Variants in STXBP2 observed in about 807,000 individuals in gnomAD.
The protein encoded by STXBP2 is syntaxin binding protein 2, also known as syntaxin-binding protein 2.
Under a neutral mutation model 72.2 loss-of-function variants are expected in STXBP2, and 47 were observed. The observed-to-expected ratio is 0.65, with a 90% CI of 0.51 to 0.83. STXBP2 has a LOEUF of 0.83. STXBP2 is among the 40% of genes least tolerant of loss of function. The probability of loss-of-function intolerance (pLI) is 0.00; values close to 1 mark genes in which losing one functional copy is unlikely to be tolerated. For missense variants in STXBP2, 702 were observed against 807.6 expected, an observed-to-expected ratio of 0.87 and a Z score of 1.58; for synonymous variants, 367 against 338.7, an observed-to-expected ratio of 1.08 and a Z score of -0.92.
intron 3 of STXBP2, 64 bp downstream of exon 3, chr19:7,639,164 C>T: frequency 2.6e-6 from 4 of 1,547,058 alleles, no homozygotes; most frequent in South Asian, 1.1e-5. Flanking sequence ...GTGCCCCTCT[C>T]CCAGGGTTCA....
chr19:7,632,183 G>T, upstream of STXBP2: 1 of 767,352 alleles, frequency 1.3e-6, no homozygotes, highest in Non-Finnish European at 2.0e-6. This position sits in a 1 kb window ranked among gnomAD's most constrained non-coding sequence, Gnocchi z 5.2. Flanking sequence ...GGAGCCACAA[G>T]TTCCAGCCAT....
chr19:7,641,087 G>A lies in STXBP2; in HGVS notation c.429+84G>A, dbSNP rs116189238. ...TCCCTCAGAAACAGACACTGAGGCT[G>A]GGCGCAGTGGCTCATACCTGTAATC... On this transcript the variant is annotated intron_variant, in intron 6 of 18. Transcript: ENST00000221283. The A allele has an allele frequency of 2.5e-4, 343 of 1,390,632 alleles. 3 individuals carry two copies. The African/African-American group carries it at 4.3e-3, about 17-fold the overall frequency. The allele number at this position is 1,390,632 out of a possible 1,614,324, so 86.1% of individuals were successfully genotyped here.
Position 7,639,508 on chromosome 19 carries a change from TCA to T in STXBP2, c.170-222_170-221del, listed in dbSNP as rs906715352. 3.3e-5 allele frequency: 20 copies of T among 608,140 alleles called. No homozygotes were observed. In the African/African-American group the frequency reaches 3.3e-4, roughly 10 times the overall value. The allele number at this position is 608,140 out of a possible 1,614,324, so 37.7% of individuals were successfully genotyped here. On this transcript the variant is annotated intron_variant, in intron 3 of 18. Coordinates refer to ENST00000221283, the MANE Select transcript of STXBP2 (RefSeq NM_006949.4). Reference sequence around the variant, plus strand: ...TGAGGGAGCCTGTCCTCTCAGAACCTCAGTCTCCCTGTCTGTAAATTTGGGGA... The same window carrying T: ...TGAGGGAGCCTGTCCTCTCAGAACCTGTCTCCCTGTCTGTAAATTTGGGGA...
At chr19:7,640,092 G>A (rs2146209830) in intron 4 of STXBP2, 1 of 616,072 alleles carries the variant, frequency 1.6e-6, no homozygotes, top group Non-Finnish European at 3.0e-6. Flanking sequence ...GGGTCTGTGT[G>A]TGCATTTGTG....
chr19:7,646,279 A>C lies in STXBP2; in HGVS notation c.1387A>C (p.Arg463=). Residue 463 remains arginine, a synonymous_variant, in exon 16 of 19, where the codon AGA becomes CGA. Coordinates refer to ENST00000221283, the MANE Select transcript of STXBP2 (RefSeq NM_006949.4). ...GSGTSSRLEP[R]ERMEPTYQLS... ...GGGGACCTCCAGCCGGCTGGAGCCG[A>C]GAGAACGCATGGAGCCCACCTATCA... The C allele has an allele frequency of 6.2e-7, 1 of 1,610,684 alleles. No homozygotes were observed.
intron 4 of STXBP2, chr19:7,640,144 A>C (rs1568464759): frequency 6.0e-6 from 3 of 502,982 alleles, no homozygotes; most frequent in South Asian, 1.6e-5. Flanking sequence ...GTGTGTGTGC[A>C]TCTGTGTGCA....
rs374882127 is a variant in STXBP2, at chr19:7,647,216, G to A, written c.1507G>A (p.Ala503Thr). 7 of 1,611,626 alleles carry A rather than the reference G, an allele frequency of 4.3e-6. No individual in the cohort carries two copies. Among genetic ancestry groups the A allele is most frequent in the Admixed American group, 3.3e-5 (2 of 60,000 alleles). ...RNLWPFVSDP[A>T]PTASSQAAVS... Reference sequence around the variant, plus strand: ...CCTGTGGCCCTTCGTATCCGACCCCGCCCCCACGGCCAGCTCCCAGGCCGC... The same window carrying A: ...CCTGTGGCCCTTCGTATCCGACCCCACCCCCACGGCCAGCTCCCAGGCCGC... Residue 503 changes from alanine (A) to threonine (T), a missense_variant, in exon 17 of 19, where the codon GCC becomes ACC. Ala to Thr is a moderately conservative substitution (Grantham distance 58, BLOSUM62 0). Coordinates refer to ENST00000221283, the MANE Select transcript of STXBP2 (RefSeq NM_006949.4).
At position 7,641,808 on chromosome 19, in the gene STXBP2, C is replaced by T. The variant is rs762234445; in HGVS notation, c.533C>T (p.Thr178Met). 14 of 1,551,634 alleles carry T rather than the reference C, an allele frequency of 9.0e-6. No homozygotes were observed. The highest frequency in any genetic ancestry group is 4.1e-5 in the African/African-American group (3 of 73,060). The change falls in exon 7 of 19, where the codon ACG becomes ATG. Residue 178 changes from threonine to methionine, a missense_variant. Thr to Met is a moderately conservative substitution (Grantham distance 81). Coordinates refer to ENST00000221283, the MANE Select transcript of STXBP2 (RefSeq NM_006949.4). ...QLEVLAQQIA[T>M]LCATLQEYPA... ...GAGGTGCTGGCCCAGCAGATTGCCA[C>T]GCTGTGCGCCACCCTGCAGGAGTAC...
At chr19:7,630,985 G>T in the STXBP2 span, 1 of 1,117,770 alleles carries the variant, frequency 8.9e-7, no homozygotes, top group Non-Finnish European at 1.3e-6. Context: ...GAGGTGGGTA[G>T]ATCACTTGAG....
upstream of STXBP2, among the ~76,000 whole-genome samples, chr19:7,635,174 G>A (rs1466837482): frequency 6.6e-6 from 1 of 152,174 alleles, no homozygotes; most frequent in Non-Finnish European, 1.5e-5. Context: ...TGAGAAGCTG[G>A]AGGCGGTCCT....
rs1300772301 is a variant in STXBP2, at chr19:7,642,636, A to G, written c.902+100A>G. 3.3e-6 allele frequency: 5 copies of G among 1,513,884 alleles called. No individual in the cohort carries two copies. Among genetic ancestry groups the G allele is most frequent in the Non-Finnish European group, 1.8e-6 (2 of 1,093,004 alleles). 93.8% of individuals were successfully genotyped at this position (1,513,884 alleles called of 1,614,324 possible). ...TGCTGCCAAGTCTTTGGCCCTCATG[A>G]GCACCCCTCGTGTGACTCCAGACTG... On this transcript the variant is annotated intron_variant, in intron 10 of 18. Transcript: ENST00000221283. This position sits in a 1 kb window ranked among gnomAD's most constrained non-coding sequence, Gnocchi z 6.0.
Position 7,640,736 on chromosome 19 carries a change from T to A in STXBP2, c.252T>A (p.Val84=). The A allele has an allele frequency of 6.2e-7, 1 of 1,614,162 alleles. No homozygotes were observed. The highest frequency in any genetic ancestry group is 1.1e-5 in the South Asian group (1 of 91,088). Reference sequence around the variant, plus strand: ...GAGTGATCCACCTTCCCCAGTCGGTTCAGGCCCTGATCAAAGACTTCCAGG... The same window carrying A: ...GAGTGATCCACCTTCCCCAGTCGGTACAGGCCCTGATCAAAGACTTCCAGG... ...IYLLSPTEKS[V]QALIKDFQGT... Residue 84 remains valine, a synonymous_variant, in exon 5 of 19, where the codon GTT becomes GTA. Coordinates refer to ENST00000221283, the MANE Select transcript of STXBP2 (RefSeq NM_006949.4).
chr19:7,639,632 A>AC, intron 3 of STXBP2, 99 bp from the exon 4 acceptor site: 1 of 1,104,372 alleles, frequency 9.1e-7, no homozygotes, highest in Non-Finnish European at 1.3e-6. Flanking sequence ...CTAAGCATCC[A>AC]CCCCTCCTCC....
At chr19:7,633,419 G>A, upstream of STXBP2, 3 of 1,573,712 alleles carry the variant, frequency 1.9e-6, no homozygotes, top group Non-Finnish European at 1.7e-6. Flanking sequence ...CGGCACAGGG[G>A]CCTGAGCCTT....
rs781557263 is a variant in STXBP2, at chr19:7,646,165, C to T, written c.1357-84C>T. The T allele has an allele frequency of 6.7e-6, 8 of 1,194,100 alleles. No individual in the cohort carries two copies. In the African/African-American group the frequency reaches 1.2e-4, roughly 18 times the overall value. 74.0% of individuals were successfully genotyped at this position (1,194,100 alleles called of 1,614,324 possible). On this transcript the variant is annotated intron_variant, in intron 15 of 18. Transcript: ENST00000221283. ...CCATCTTTGCCTGCCATCCCCCACCCTACCAGCCACACCAGGCGCAGCCCC... is the reference window on the plus strand; with the variant it reads ...CCATCTTTGCCTGCCATCCCCCACCTTACCAGCCACACCAGGCGCAGCCCC...
chr19:7,642,666 C>G lies in STXBP2; in HGVS notation c.903-100C>G, dbSNP rs945127166. ...CCCTCGTGTGACTCCAGACTGGCCT[C>G]CAATTTCACCCCACCTCTCCCTGTC... On this transcript the variant is annotated intron_variant, in intron 10 of 18. Transcript: ENST00000221283. The surrounding 1 kb of genome is among the most constrained non-coding windows in gnomAD (Gnocchi z 6.0). 4 of 1,476,556 alleles carry G rather than the reference C, an allele frequency of 2.7e-6. No homozygotes were observed. Among genetic ancestry groups the G allele is most frequent in the Non-Finnish European group, 3.8e-6 (4 of 1,062,986 alleles). The allele number at this position is 1,476,556 out of a possible 1,614,324, so 91.5% of individuals were successfully genotyped here.
rs781557263 is a variant in STXBP2 at position 7,646,165 on chromosome 19, C to G, written c.1357-84C>G. On this transcript the variant is annotated intron_variant, in intron 15 of 18. Coordinates refer to ENST00000221283, the MANE Select transcript of STXBP2 (RefSeq NM_006949.4). ...CCATCTTTGCCTGCCATCCCCCACCCTACCAGCCACACCAGGCGCAGCCCC... is the reference window on the plus strand; with the variant it reads ...CCATCTTTGCCTGCCATCCCCCACCGTACCAGCCACACCAGGCGCAGCCCC... 42 of 1,194,096 alleles carry G rather than the reference C, an allele frequency of 3.5e-5. 1 individual carries two copies. The African/African-American group carries it at 6.3e-4, about 18-fold the overall frequency. The allele number at this position is 1,194,096 out of a possible 1,614,324, so 74.0% of individuals were successfully genotyped here.
chr19:7,632,346 G>C (rs771007768), upstream of STXBP2: 3 of 1,609,220 alleles, frequency 1.9e-6, no homozygotes, highest in Admixed American at 3.3e-5. This position sits in a 1 kb window ranked among gnomAD's most constrained non-coding sequence, Gnocchi z 5.2. Context: ...GGATCGGAGA[G>C]CACTGCCTGG....
intron 6 of STXBP2, 116 bp from the exon 7 acceptor site, chr19:7,641,589 A>C: frequency 7.0e-7 from 1 of 1,437,078 alleles, no homozygotes; most frequent in East Asian, 2.5e-5. Context: ...AATTCGGCAA[A>C]GCAGGCTTCA....
Sources: gnomAD v4.1 joint callset for allele counts (sites outside exome capture counted in the v4.1 genomes callset) on GRCh38, gnomAD v4.1.1 for gene constraint, Gnocchi (gnomAD v3.1) non-coding constraint, MANE v1.5 for transcripts, NCBI Gene and HGNC (gene_info 2026-07-23, HGNC 2026-07-21) for gene names.